Variants in MYO9A observed in about 807,000 individuals in gnomAD.
MYO9A encodes the protein unconventional myosin-IXa.
Under a neutral mutation model 293.3 loss-of-function variants are expected in MYO9A, and 103 were observed. That is an observed-to-expected ratio of 0.35 (90% CI 0.30 to 0.41). MYO9A has a LOEUF of 0.41. Ranked by LOEUF, MYO9A falls within the 10% of genes least tolerant of loss-of-function variation. The pLI, the probability that MYO9A is intolerant of heterozygous loss-of-function variation, is 1.00. For synonymous variants in MYO9A, 1,001 were observed against 1,035.7 expected (o/e 0.97, Z 0.64); for missense variants, 2,685 against 3,033.0 (o/e 0.89, Z 2.69).
chr15:72,014,764 AAGAAAG>A (rs1423582951), intron 6 of MYO9A, among the ~76,000 whole-genome samples: 2 of 148,166 alleles, frequency 1.3e-5, no homozygotes, highest in Admixed American at 7.2e-5. Flanking sequence ...GAAAGAAAGA[AAGAAAG>A]AGAAAGAAAG....
At chr15:72,094,285 T>C (rs1156836631) in intron 1 of MYO9A, among the ~76,000 whole-genome samples, 3 of 89,526 alleles carry the variant, frequency 3.4e-5, no homozygotes, top group African/African-American at 7.8e-5. Flanking sequence ...AAAGAAAAAA[T>C]ACATAAGAGT....
At chr15:71,923,814 T>G (rs2058219035) in intron 18 of MYO9A, among the ~76,000 whole-genome samples, 1 of 152,190 alleles carries the variant, frequency 6.6e-6, no homozygotes, top group South Asian at 2.1e-4. Context: ...TCATTAACGT[T>G]TTGTATTTTT....
intron 35 of MYO9A, among the ~76,000 whole-genome samples, chr15:71,853,419 G>A (rs536702964): frequency 2.7e-4 from 41 of 152,296 alleles, no homozygotes; most frequent in African/African-American, 9.6e-4. Context: ...GAAGATTCAG[G>A]ATGATTGATT....
At chr15:72,048,324 G>A (rs372172271) in intron 1 of MYO9A, among the ~76,000 whole-genome samples, 36 of 151,792 alleles carry the variant, frequency 2.4e-4, no homozygotes, top group Admixed American at 1.3e-3. Context: ...ACTTGAACCC[G>A]GGAGGCAGAG....
chr15:71,902,086 A>G (rs190038254), intron 22 of MYO9A, among the ~76,000 whole-genome samples: 1 of 152,304 alleles, frequency 6.6e-6, no homozygotes, highest in African/African-American at 2.4e-5. Flanking sequence ...GGTAGATATT[A>G]TATACCCGAA....
intron 33 of MYO9A, among the ~76,000 whole-genome samples, chr15:71,860,969 C>CAAAAAAAAAAAAAAAAAAAAA (rs61030744): frequency 8.9e-4 from 29 of 32,412 alleles, no homozygotes; most frequent in African/African-American, 1.1e-3. Context: ...TCCATCTCAC[C>CAAAAAAAAAAAAAAAAAAAAA]AAAAAAAAAA....
At chr15:71,958,747 A>G (rs2059259908) in intron 14 of MYO9A, 1 of 152,228 alleles carries the variant, frequency 6.6e-6, no homozygotes, top group South Asian at 2.1e-4. Context: ...AAACAAGATT[A>G]GAAAATAAGG....
chr15:72,013,589 C>CA (rs2149022492), intron 6 of MYO9A, among the ~76,000 whole-genome samples: 1 of 152,308 alleles, frequency 6.6e-6, no homozygotes, highest in East Asian at 1.9e-4. Context: ...ACATTCCCCC[C>CA]ACAAACATAC....
intron 1 of MYO9A, among the ~76,000 whole-genome samples, chr15:72,111,270 G>A (rs1380503981): frequency 1.3e-5 from 2 of 151,638 alleles, no homozygotes; most frequent in Non-Finnish European, 2.9e-5. Context: ...CAGGCAGATC[G>A]CTTGAGGTCA....
At chr15:72,031,914 A>AT (rs1188869842) in intron 3 of MYO9A, among the ~76,000 whole-genome samples, 2 of 151,796 alleles carry the variant, frequency 1.3e-5, no homozygotes, top group South Asian at 2.1e-4. Context: ...TTATTTTTTT[A>AT]TTTTTTTTGA....
At chr15:71,967,775 A>C (rs2075914160) in intron 13 of MYO9A, among the ~76,000 whole-genome samples, 1 of 152,208 alleles carries the variant, frequency 6.6e-6, no homozygotes, top group African/African-American at 2.4e-5. Flanking sequence ...CATCAGGTTT[A>C]TCTCCAGGCA....
intron 2 of MYO9A, among the ~76,000 whole-genome samples, chr15:72,034,617 T>C (rs778189180): frequency 6.6e-6 from 1 of 152,186 alleles, no homozygotes; most frequent in East Asian, 1.9e-4. Flanking sequence ...CTTTCCACCA[T>C]AGAAAGTTTT....
chr15:71,952,038 T>C, intron 14 of MYO9A, 142 bp from the exon 15 acceptor site: 1 of 825,368 alleles, frequency 1.2e-6, no homozygotes, highest in Non-Finnish European at 1.7e-6. Flanking sequence ...AGAGGTTATA[T>C]GTGAATGTCC....
At chr15:71,893,987 A>C (rs2143005338) in intron 25 of MYO9A, among the ~76,000 whole-genome samples, 1 of 152,326 alleles carries the variant, frequency 6.6e-6, no homozygotes, top group Middle Eastern at 3.4e-3. Flanking sequence ...TGTCCTGATG[A>C]TCAGTGGGTA....
At position 71,854,441 on chromosome 15, in the gene MYO9A, T is replaced by G. The variant is rs879406396; in HGVS notation, c.6282A>C (p.Glu2094Asp). The G allele has an allele frequency of 1.9e-6, 3 of 1,609,738 alleles. No individual in the cohort carries two copies. The highest frequency in any genetic ancestry group is 2.2e-5 in the East Asian group (1 of 44,798). Residue 2094 changes from glutamate to aspartate, a missense_variant, in exon 35 of 42, where the codon GAA becomes GAC. Coordinates refer to ENST00000356056, the MANE Select transcript of MYO9A (RefSeq NM_006901.4). Reference protein sequence around the residue: ...NYIEMHGLYTEGIYRKSGSTN... With the variant: ...NYIEMHGLYTDGIYRKSGSTN... ...TCGAACCAGACTTTCGATAAATACC[T>G]TCTGTATACAGTCCATGCATTTCAA...
intron 11 of MYO9A, among the ~76,000 whole-genome samples, chr15:71,980,278 G>A (rs539000355): frequency 9.9e-5 from 15 of 152,228 alleles, no homozygotes; most frequent in Non-Finnish European, 2.1e-4. Flanking sequence ...TAAACTACAT[G>A]TTTAACCACA....
In MYO9A at chr15:71,872,860, TTTTC is replaced by T. The variant is rs561970420; in HGVS notation, c.5979+2927_5979+2930del. On this transcript the variant is annotated intron_variant, in intron 32 of 41. Coordinates refer to ENST00000356056, the MANE Select transcript of MYO9A (RefSeq NM_006901.4). ...ACAGTGTTTATAGCCCTTGTACTTT[TTTTC>T]TTTTTTTGCACAAATAGTAGCTTTC... Among the ~76,000 whole-genome samples the T allele has an allele frequency of 1.6e-4, 25 of 152,296 alleles. No individual in the cohort carries two copies. In the East Asian group the frequency reaches 4.4e-3, roughly 27 times the overall value.
intron 2 of MYO9A, among the ~76,000 whole-genome samples, chr15:72,036,044 ATATT>A (rs536496667): frequency 1.5e-3 from 221 of 152,158 alleles, no homozygotes; most frequent in African/African-American, 4.7e-3. Context: ...ACTCCTCAAA[ATATT>A]TATTCAAAAT....
rs1236727018 is a variant in MYO9A at position 72,045,951 on chromosome 15, TATC to T, written c.610_612del (p.Asp204del). 6.2e-7 allele frequency: 1 copy of T among 1,614,202 alleles called. No homozygotes were observed. The highest frequency in any genetic ancestry group is 1.7e-5 in the Admixed American group (1 of 60,026). Reference sequence around the variant, plus strand: ...GGCTCAAGTTTTCCCAGTTGGTGGTTATCATACATTTTGACATATTTGGGGTTA... The same window carrying T: ...GGCTCAAGTTTTCCCAGTTGGTGGTTATACATTTTGACATATTTGGGGTTA... On this transcript the variant is annotated inframe_deletion, in exon 2 of 42. Transcript: ENST00000356056.
Sources: allele counts gnomAD v4.1 joint callset (sites outside exome capture counted in the v4.1 genomes callset), GRCh38; gene constraint gnomAD v4.1.1; transcripts MANE v1.5; gene names NCBI Gene and HGNC (gene_info 2026-07-23, HGNC 2026-07-21).